The following SLIT3 variants were observed in gnomAD, a reference collection of about 807,000 sequenced individuals.
SLIT3 encodes slit guidance ligand 3, also known as slit homolog 3 protein.
In SLIT3, 68 loss-of-function variants were observed where a neutral mutation model predicts 184.0. The ratio of observed to expected loss-of-function variants is 0.37; its 90% CI spans 0.30 to 0.45. The LOEUF (loss-of-function observed/expected upper bound fraction) is 0.45. SLIT3 is among the 20% of genes least tolerant of loss of function. The pLI is 1.00. For synonymous variants in SLIT3, 831 were observed against 828.6 expected (o/e 1.00, Z -0.05); for missense variants, 1,707 against 2,026.0 (o/e 0.84, Z 3.02).
chr5:169,054,711 C>A (rs554973986), intron 4 of SLIT3, among the ~76,000 whole-genome samples: 1 of 152,370 alleles, frequency 6.6e-6, no homozygotes, highest in South Asian at 2.1e-4. Flanking sequence ...TTACCCCAGG[C>A]ATGCGGAACG....
intron 4 of SLIT3, among the ~76,000 whole-genome samples, chr5:169,045,462 G>C (rs138166612): frequency 1.3e-3 from 199 of 151,074 alleles, no homozygotes; most frequent in Middle Eastern, 0.01. Context: ...AGATGATGTA[G>C]TTTATTTCCT....
chr5:168,848,054 C>T (rs1280186249), intron 5 of SLIT3, among the ~76,000 whole-genome samples: 7 of 152,208 alleles, frequency 4.6e-5, no homozygotes, highest in Admixed American at 1.3e-4. Flanking sequence ...TTTCCTGGGC[C>T]ATAAGAAGTG....
chr5:169,208,021 A>G (rs773210308), intron 3 of SLIT3, among the ~76,000 whole-genome samples: 1 of 152,192 alleles, frequency 6.6e-6, no homozygotes, highest in Non-Finnish European at 1.5e-5. Context: ...AGACTACACA[A>G]TTCTTATGTC....
chr5:168,942,901 G>GAAAA (rs1762371384), intron 4 of SLIT3, among the ~76,000 whole-genome samples: 1 of 152,186 alleles, frequency 6.6e-6, no homozygotes, highest in Non-Finnish European at 1.5e-5. Flanking sequence ...GTAGAAAAGT[G>GAAAA]TGTGATGATC....
intron 10 of SLIT3, chr5:168,791,781 T>C (rs1756379093): frequency 6.6e-6 from 1 of 152,230 alleles, no homozygotes; most frequent in South Asian, 2.1e-4. Flanking sequence ...TACGATACAT[T>C]GTTGTTAACT....
intron 4 of SLIT3, among the ~76,000 whole-genome samples, chr5:168,886,355 T>C (rs1027585898): frequency 6.6e-6 from 1 of 152,162 alleles, no homozygotes; most frequent in Non-Finnish European, 1.5e-5. Flanking sequence ...CCTTCACAAT[T>C]ATCGCAGGGC....
At chr5:168,770,259 G>C (rs545240930) in intron 14 of SLIT3, among the ~76,000 whole-genome samples, 33 of 152,316 alleles carry the variant, frequency 2.2e-4, no homozygotes, top group Non-Finnish European at 3.7e-4. Context: ...ACAGGCAGCT[G>C]GGAAACCAGA....
At chr5:168,904,220 C>A (rs1036722767) in intron 4 of SLIT3, among the ~76,000 whole-genome samples, 1 of 152,090 alleles carries the variant, frequency 6.6e-6, no homozygotes, top group Admixed American at 6.5e-5. Flanking sequence ...GACTACCATG[C>A]CAACTTGGGG....
At chr5:169,201,238 C>A (rs1309412628) in intron 3 of SLIT3, among the ~76,000 whole-genome samples, 1 of 152,050 alleles carries the variant, frequency 6.6e-6, no homozygotes, top group Admixed American at 6.5e-5. Flanking sequence ...AATTAAAAAC[C>A]CCTTTATTTT....
At chr5:168,770,279 T>C (rs1040248323) in intron 14 of SLIT3, among the ~76,000 whole-genome samples, 1 of 152,212 alleles carries the variant, frequency 6.6e-6, no homozygotes, top group African/African-American at 2.4e-5. Context: ...ACGCCCTGCC[T>C]AAGGAGGGGC....
At chr5:168,776,665 C>T (rs1755758918) in intron 12 of SLIT3, among the ~76,000 whole-genome samples, 3 of 152,258 alleles carry the variant, frequency 2.0e-5, no homozygotes, top group Admixed American at 6.5e-5. Flanking sequence ...CATCCCTCCC[C>T]CCTGCAAATT....
intron 4 of SLIT3, among the ~76,000 whole-genome samples, chr5:169,016,491 G>T (rs1032897501): frequency 6.6e-6 from 1 of 152,156 alleles, no homozygotes; most frequent in African/African-American, 2.4e-5. Context: ...ACTAATAAAT[G>T]ATATTATCAT....
Position 168,665,497 on chromosome 5 carries a change from G to A in SLIT3, c.*957C>T, listed in dbSNP as rs777063248. Reference sequence around the variant, plus strand: ...AAATTACCTGGAAGGAGGAGAGAGGGCCAGTGCATGGGTCCTGAGGAGACA... The same window carrying A: ...AAATTACCTGGAAGGAGGAGAGAGGACCAGTGCATGGGTCCTGAGGAGACA... On this transcript the variant is annotated 3_prime_UTR_variant, in exon 36 of 36. Coordinates refer to ENST00000519560, the MANE Select transcript of SLIT3 (RefSeq NM_003062.4). The A allele has an allele frequency of 6.6e-6, 1 of 152,150 alleles. No homozygotes were observed. The highest frequency in any genetic ancestry group is 1.5e-5 in the Non-Finnish European group (1 of 68,058). The allele number at this position is 152,150 out of a possible 1,614,324, so 9.4% of individuals were successfully genotyped here.
At chr5:168,675,442 T>C (rs1761375877) in intron 32 of SLIT3, among the ~76,000 whole-genome samples, 1 of 152,218 alleles carries the variant, frequency 6.6e-6, no homozygotes, top group Admixed American at 6.5e-5. Flanking sequence ...CCCTTACTGC[T>C]GGATGGAACC....
At chr5:168,933,147 G>A (rs1762047727) in intron 4 of SLIT3, among the ~76,000 whole-genome samples, 2 of 152,166 alleles carry the variant, frequency 1.3e-5, no homozygotes, top group Admixed American at 1.3e-4. Context: ...ATAAGGAAAT[G>A]GGGCTGAGGG....
chr5:168,724,825 T>G (rs1763057452), intron 20 of SLIT3, among the ~76,000 whole-genome samples: 1 of 152,126 alleles, frequency 6.6e-6, no homozygotes, highest in Admixed American at 6.5e-5. Context: ...CATTTTATAC[T>G]CAGCCCTCAA....
intron 4 of SLIT3, among the ~76,000 whole-genome samples, chr5:168,936,142 G>T (rs1257730397): frequency 6.6e-6 from 1 of 152,212 alleles, no homozygotes; most frequent in African/African-American, 2.4e-5. Flanking sequence ...ATGGCATTAA[G>T]GTACTTGGGT....
chr5:168,954,803 G>A (rs922485032), intron 4 of SLIT3, among the ~76,000 whole-genome samples: 1 of 152,172 alleles, frequency 6.6e-6, no homozygotes, highest in Non-Finnish European at 1.5e-5. Flanking sequence ...TGTTTAAAGA[G>A]GACAGTTCTA....
chr5:169,086,406 G>A (rs1166195936), intron 4 of SLIT3, among the ~76,000 whole-genome samples: 1 of 152,170 alleles, frequency 6.6e-6, no homozygotes, highest in Non-Finnish European at 1.5e-5. Context: ...GTTAATGCAT[G>A]TGTTCTGGAA....
Sources: gnomAD v4.1 joint callset for allele counts (sites outside exome capture counted in the v4.1 genomes callset) on GRCh38, gnomAD v4.1.1 for gene constraint, MANE v1.5 for transcripts, NCBI Gene and HGNC (gene_info 2026-07-23, HGNC 2026-07-21) for gene names.